PKIB: variants seen among roughly 807,000 people sequenced by gnomAD.
PKIB encodes the protein PKI-beta.
A neutral mutation model predicts 4.5 loss-of-function variants in PKIB; 2 were observed. That is an observed-to-expected ratio of 0.44 (90% CI 0.18 to 1.39). PKIB has a LOEUF of 1.39. Ranked by LOEUF, PKIB falls within the 40% of genes most tolerant of loss-of-function variation. The pLI is 0.27. For missense variants in PKIB, 94 were observed against 92.6 expected (o/e 1.02, Z -0.06); for synonymous variants, 38 against 36.0 (o/e 1.06, Z -0.20).
chr6:122,633,184 G>C (rs1455673143), intron 1 of PKIB, 99 bp from the exon 2 acceptor site: 8 of 152,152 alleles, frequency 5.3e-5, no homozygotes, highest in African/African-American at 1.9e-4. Context: ...CACTAAGTTA[G>C]ACTTTTTTGT....
In PKIB at chr6:122,536,165, C is replaced by T. The variant is rs112182074; in HGVS notation, c.-247-49756C>T. On this transcript the variant is annotated intron_variant, in intron 2 of 6. Transcript: ENST00000392491. ...ATGGTAGCCAGGCTGGTCCCAAACT[C>T]GTGACCTCAAGTGATCCACCTGCCT... is the stretch of plus-strand genomic sequence containing the variant. Among the ~76,000 whole-genome samples the T allele has an allele frequency of 5.1e-3, 774 of 152,248 alleles. 7 individuals are homozygous for T. Among genetic ancestry groups the T allele is most frequent in the African/African-American group, 0.017 (710 of 41,544 alleles).
At chr6:122,614,329 T>C (rs1459854722) in intron 1 of PKIB, among the ~76,000 whole-genome samples, 1 of 152,220 alleles carries the variant, frequency 6.6e-6, no homozygotes, top group African/African-American at 2.4e-5. Context: ...GACAATGTGG[T>C]CTGTAGCCAA....
In PKIB at chr6:122,725,152, C is replaced by A. The variant is rs1562322501; in HGVS notation, c.194C>A (p.Thr65Lys). ...KEDAKEKDEK[T>K]TQDQLEKPQN... is the part of the protein sequence containing the mutation. ...GATGCAAAAGAGAAAGATGAAAAAACAACACAAGACCAATTGGAAAAGCCT... is the reference window on the plus strand; with the variant it reads ...GATGCAAAAGAGAAAGATGAAAAAAAAACACAAGACCAATTGGAAAAGCCT... The change falls in exon 5 of 5, where the codon ACA becomes AAA. Residue 65 changes from threonine to lysine, a missense_variant. Thr to Lys is a moderately conservative substitution (Grantham distance 78, BLOSUM62 -1). Coordinates refer to ENST00000368452, the MANE Select transcript of PKIB (RefSeq NM_181795.3). The A allele has an allele frequency of 6.2e-7, 1 of 1,608,694 alleles. No homozygotes were observed. Among genetic ancestry groups the A allele is most frequent in the South Asian group, 1.1e-5 (1 of 90,130 alleles).
At chr6:122,484,631 T>A (rs1229798555) in intron 2 of PKIB, among the ~76,000 whole-genome samples, 1 of 152,260 alleles carries the variant, frequency 6.6e-6, no homozygotes, top group African/African-American at 2.4e-5. Flanking sequence ...ATTACTTTTT[T>A]AAGACTTTGA....
chr6:122,480,613 A>G (rs569305223), intron 2 of PKIB: 1 of 152,258 alleles, frequency 6.6e-6, no homozygotes, highest in Admixed American at 6.5e-5. Context: ...GTCATGTTCT[A>G]TTTATATGCC....
At chr6:122,692,664 G>A (rs1778404601) in intron 3 of PKIB, among the ~76,000 whole-genome samples, 2 of 152,166 alleles carry the variant, frequency 1.3e-5, no homozygotes, top group Non-Finnish European at 2.9e-5. Flanking sequence ...CACAAGGCTG[G>A]TTGGTGCTCT....
At position 122,633,940 on chromosome 6, in the gene PKIB, A is replaced by ATCTATCTG. The variant is rs1345251159; in HGVS notation, c.-76+580_-76+581insGTCTATCT. 1.3e-4 allele frequency among the ~76,000 whole-genome samples: 19 copies of ATCTATCTG among 150,850 alleles called. No individual in the cohort carries two copies. In the East Asian group the frequency reaches 2.7e-3, roughly 22 times the overall value. ...TCACAGATATCTGTCCTATCTATCTATCTATCTATCTATCTATCTATCTAT... is the reference window on the plus strand; with the variant it reads ...TCACAGATATCTGTCCTATCTATCTATCTATCTGTCTATCTATCTATCTATCTATCTAT... On this transcript the variant is annotated intron_variant, in intron 2 of 4. Transcript: ENST00000368452.
intron 2 of PKIB, among the ~76,000 whole-genome samples, chr6:122,512,355 C>T (rs535104421): frequency 2.0e-5 from 3 of 152,238 alleles, no homozygotes; most frequent in Middle Eastern, 3.4e-3. Context: ...TCTCTTTTCC[C>T]TCTTCTCATT....
chr6:122,535,445 G>C (rs550147695), intron 2 of PKIB, among the ~76,000 whole-genome samples: 1 of 152,114 alleles, frequency 6.6e-6, no homozygotes, highest in Admixed American at 6.5e-5. Flanking sequence ...TGACACATTT[G>C]TCTGGTTATG....
upstream of PKIB, among the ~76,000 whole-genome samples, chr6:122,607,886 C>T (rs1018836241): frequency 4.6e-5 from 7 of 152,190 alleles, no homozygotes; most frequent in Non-Finnish European, 8.8e-5. Flanking sequence ...GGATATGCAC[C>T]TTCTGCCCCA....
chr6:122,595,515 T>C (rs2114731345), intron 3 of PKIB, among the ~76,000 whole-genome samples: 1 of 152,218 alleles, frequency 6.6e-6, no homozygotes, highest in Non-Finnish European at 1.5e-5. Context: ...GGCAGAAGCA[T>C]TGTGTGCAGG....
intron 2 of PKIB, among the ~76,000 whole-genome samples, chr6:122,552,578 A>G (rs1426538116): frequency 6.6e-6 from 1 of 151,854 alleles, no homozygotes; most frequent in African/African-American, 2.4e-5. Context: ...GGGTTTTGCT[A>G]TGTTTGCCAG....
intron 2 of PKIB, among the ~76,000 whole-genome samples, chr6:122,543,980 C>A (rs1772402281): frequency 6.6e-6 from 1 of 151,792 alleles, no homozygotes; most frequent in South Asian, 2.1e-4. Flanking sequence ...CACACAACAT[C>A]TCATTTTCTT....
At chr6:122,614,055 C>A (rs1395830286) in intron 1 of PKIB, among the ~76,000 whole-genome samples, 3 of 150,826 alleles carry the variant, frequency 2.0e-5, no homozygotes, top group Admixed American at 1.3e-4. Context: ...TTTATTCTAG[C>A]AAGTGGCAAA....
At chr6:122,537,926 C>T (rs906936054) in intron 2 of PKIB, among the ~76,000 whole-genome samples, 9 of 151,906 alleles carry the variant, frequency 5.9e-5, no homozygotes, top group Non-Finnish European at 1.0e-4. Context: ...CTCTGATGGC[C>T]AGTGATGATG....
chr6:122,566,629 C>A (rs1773203958), intron 2 of PKIB, among the ~76,000 whole-genome samples: 1 of 146,748 alleles, frequency 6.8e-6, no homozygotes, highest in Non-Finnish European at 1.5e-5. Context: ...TTCCTCCCTT[C>A]CTCCCTCCCT....
intron 2 of PKIB, among the ~76,000 whole-genome samples, chr6:122,535,119 T>A (rs1406064629): frequency 6.6e-6 from 1 of 152,122 alleles, no homozygotes. Context: ...TACATCTAAC[T>A]GTGGAGATCT....
intron 2 of PKIB, among the ~76,000 whole-genome samples, chr6:122,667,493 C>G (rs1372108224): frequency 6.6e-6 from 1 of 151,472 alleles, no homozygotes; most frequent in Admixed American, 6.6e-5. Flanking sequence ...GCCGAGATGA[C>G]GCCACTGCAC....
intron 2 of PKIB, among the ~76,000 whole-genome samples, chr6:122,562,646 C>T (rs1328800894): frequency 6.6e-6 from 1 of 152,108 alleles, no homozygotes; most frequent in African/African-American, 2.4e-5. Flanking sequence ...AGACTTTGTT[C>T]ATATTTTCTT....
Sources: gnomAD v4.1 joint callset for allele counts (sites outside exome capture counted in the v4.1 genomes callset) on GRCh38, gnomAD v4.1.1 for gene constraint, MANE v1.5 for transcripts, NCBI Gene and HGNC (gene_info 2026-07-23, HGNC 2026-07-21) for gene names.